The following ZNF608 variants were observed in gnomAD, a reference collection of about 807,000 sequenced individuals.
ZNF608 encodes zinc finger protein 608, also known as renal carcinoma antigen NY-REN-36.
A neutral mutation model predicts 109.0 loss-of-function variants in ZNF608; 12 were observed. The observed-to-expected ratio is 0.11, with a 90% CI of 0.07 to 0.18. The LOEUF is 0.18. Among genes scored for constraint, ZNF608 ranks in the 10% least tolerant of loss-of-function variants. The pLI is 1.00. For missense variants in ZNF608, 1,707 were observed against 1,879.3 expected (o/e 0.91, Z 1.70); for synonymous variants, 732 against 717.4 (o/e 1.02, Z -0.33).
intron 2 of ZNF608, among the ~76,000 whole-genome samples, chr5:124,737,453 C>T (rs1490884373): frequency 6.6e-6 from 1 of 152,164 alleles, no homozygotes; most frequent in East Asian, 1.9e-4. Flanking sequence ...ATTTGTTCAT[C>T]ATTTCAAACC....
chr5:124,645,215 C>T (rs1287224967), intron 5 of ZNF608, among the ~76,000 whole-genome samples: 1 of 152,212 alleles, frequency 6.6e-6, no homozygotes, highest in Non-Finnish European at 1.5e-5. Context: ...AATATATTGG[C>T]TCACTTCTCA....
At chr5:124,639,784 T>C (rs2149779642) in intron 8 of ZNF608, among the ~76,000 whole-genome samples, 1 of 152,308 alleles carries the variant, frequency 6.6e-6, no homozygotes, top group African/African-American at 2.4e-5. Context: ...AGAATTCTTT[T>C]AAATTCTATA....
chr5:124,691,061 T>A (rs958236336), intron 3 of ZNF608, among the ~76,000 whole-genome samples: 4 of 151,986 alleles, frequency 2.6e-5, no homozygotes, highest in Admixed American at 1.3e-4. Flanking sequence ...GCCAAGATGG[T>A]AGGATCACTC....
rs757149460 is a variant in ZNF608, at chr5:124,744,119, TCTC to T, written c.868_870del (p.Glu290del). The T allele has an allele frequency of 2.8e-5, 45 of 1,602,044 alleles. No individual in the cohort carries two copies. The highest frequency in any genetic ancestry group is 4.5e-5 in the East Asian group (2 of 44,632). On this transcript the variant is annotated inframe_deletion, in exon 2 of 10. Coordinates refer to ENST00000513986, the MANE Select transcript of ZNF608 (RefSeq NM_020747.3). The surrounding 1 kb of genome is among the most constrained non-coding windows in gnomAD (Gnocchi z 4.5). ...TTCAGTTTCTTGATTCGCCTGTGGC[TCTC>T]CTCCTCCTCCTCTTCCTTCTTTACC...
intron 2 of ZNF608, among the ~76,000 whole-genome samples, chr5:124,721,957 A>T (rs1753933160): frequency 7.0e-6 from 1 of 143,516 alleles, no homozygotes; most frequent in South Asian, 2.2e-4. Context: ...AAAAAAAAAA[A>T]AAAAAAAAAA....
intron 2 of ZNF608, among the ~76,000 whole-genome samples, chr5:124,705,971 G>C (rs1276491558): frequency 1.3e-5 from 2 of 152,226 alleles, no homozygotes; most frequent in African/African-American, 4.8e-5. Flanking sequence ...TAGAACAAGA[G>C]TGGCCCAAAC....
chr5:124,656,011 G>A (rs547124668), intron 3 of ZNF608, among the ~76,000 whole-genome samples: 1 of 152,146 alleles, frequency 6.6e-6, no homozygotes, highest in Non-Finnish European at 1.5e-5. Context: ...AGTAAGTGTT[G>A]TCACATGACC....
chr5:124,657,656 C>G (rs560671844), intron 3 of ZNF608, among the ~76,000 whole-genome samples: 2 of 152,078 alleles, frequency 1.3e-5, no homozygotes, highest in African/African-American at 4.8e-5. Flanking sequence ...GCCTGGGCGA[C>G]AGAGCGAGAC....
At chr5:124,675,018 G>A (rs1015846078) in intron 3 of ZNF608, among the ~76,000 whole-genome samples, 5 of 152,072 alleles carry the variant, frequency 3.3e-5, no homozygotes, top group South Asian at 2.1e-4. Context: ...ATCCAAACAC[G>A]CTTTCTCTGC....
At chr5:124,641,116 G>C (rs1750214947) in intron 8 of ZNF608, 136 bp downstream of exon 8, 2 of 1,078,632 alleles carry the variant, frequency 1.9e-6, no homozygotes, top group Non-Finnish European at 2.8e-6. Flanking sequence ...TGTGTCACTA[G>C]AAAATAAGTG....
chr5:124,714,678 A>T (rs1440212652), intron 2 of ZNF608, among the ~76,000 whole-genome samples: 1 of 152,226 alleles, frequency 6.6e-6, no homozygotes, highest in Non-Finnish European at 1.5e-5. Flanking sequence ...AGCCCGTCGT[A>T]GTATCTCTAT....
At chr5:124,653,889 G>C (rs1750897167) in intron 3 of ZNF608, among the ~76,000 whole-genome samples, 1 of 152,204 alleles carries the variant, frequency 6.6e-6, no homozygotes, top group South Asian at 2.1e-4. Flanking sequence ...GAAGCCAACT[G>C]CACTGTTGGT....
At chr5:124,729,288 G>A (rs1748767946) in intron 2 of ZNF608, among the ~76,000 whole-genome samples, 1 of 152,248 alleles carries the variant, frequency 6.6e-6, no homozygotes, top group South Asian at 2.1e-4. Flanking sequence ...AGTTTGGGAA[G>A]AACAGGCTAG....
intron 3 of ZNF608, among the ~76,000 whole-genome samples, chr5:124,658,310 G>A (rs1751102722): frequency 6.6e-6 from 1 of 152,214 alleles, no homozygotes; most frequent in Admixed American, 6.5e-5. Flanking sequence ...AGGGACAAAG[G>A]AGGACAGGAA....
chr5:124,665,169 C>T (rs1751425425), intron 3 of ZNF608, among the ~76,000 whole-genome samples: 1 of 143,210 alleles, frequency 7.0e-6, no homozygotes, highest in Non-Finnish European at 1.5e-5. Context: ...GAGGGAGACT[C>T]CACCTCCCCC....
chr5:124,649,700 G>C lies in ZNF608; in HGVS notation c.1163-3C>G, dbSNP rs1750695728. On this transcript the variant is annotated splice_region_variant and splice_polypyrimidine_tract_variant and intron_variant, in intron 3 of 9. Transcript: ENST00000513986. ...CGTGACATTGACCACTAGGACACCT[G>C]CAGGAGGCAGGGGATGAAAAAGGAT... is the stretch of plus-strand genomic sequence containing the variant. 6.3e-7 allele frequency: 1 copy of C among 1,575,226 alleles called. No individual in the cohort carries two copies. Among genetic ancestry groups the C allele is most frequent in the Admixed American group, 1.8e-5 (1 of 57,030 alleles).
At chr5:124,727,842 C>T (rs1338916150) in intron 2 of ZNF608, among the ~76,000 whole-genome samples, 3 of 150,800 alleles carry the variant, frequency 2.0e-5, no homozygotes, top group South Asian at 4.2e-4. Flanking sequence ...CGGGTTAAAG[C>T]GATTCTCTTG....
chr5:124,648,551 C>T lies in ZNF608; in HGVS notation c.1833G>A (p.Glu611=), dbSNP rs375398693. 6.2e-6 allele frequency: 10 copies of T among 1,614,126 alleles called. No individual in the cohort carries two copies. In the Admixed American group the frequency reaches 8.3e-5, roughly 13 times the overall value. The change falls in exon 5 of 10, where the codon GAG becomes GAA. Residue 611 remains glutamate (E), a synonymous_variant. Coordinates refer to ENST00000513986, the MANE Select transcript of ZNF608 (RefSeq NM_020747.3). The part of the protein sequence containing the change: ...GLSNVALECS[E]PSTSVSAYDQ... ...CATAAGCAGATACACTTGTGCTTGG[C>T]TCACTGCATTCAAGTGCCACATTAC...
chr5:124,710,116 G>A (rs909749889), intron 2 of ZNF608: 5 of 425,868 alleles, frequency 1.2e-5, no homozygotes, highest in Non-Finnish European at 1.8e-5. Flanking sequence ...TTGTCCTTGT[G>A]TGACCCTTAT....
Sources: gnomAD v4.1 joint callset for allele counts (sites outside exome capture counted in the v4.1 genomes callset) on GRCh38, gnomAD v4.1.1 for gene constraint, Gnocchi (gnomAD v3.1) non-coding constraint, MANE v1.5 for transcripts, NCBI Gene and HGNC (gene_info 2026-07-23, HGNC 2026-07-21) for gene names.